GPC3: variants seen among roughly 807,000 people sequenced by gnomAD.
The protein encoded by GPC3 is glypican 3.
GPC3 carries 3 observed loss-of-function variants against 34.4 expected under a neutral mutation model. The observed-to-expected ratio is 0.09, with a 90% CI of 0.04 to 0.23. The LOEUF is 0.23. Ranked by LOEUF, GPC3 falls within the 10% of genes least tolerant of loss-of-function variation. The probability of loss-of-function intolerance (pLI) is 1.00; values close to 1 mark genes in which losing one functional copy is unlikely to be tolerated. For synonymous variants in GPC3, 177 were observed against 174.0 expected, an observed-to-expected ratio of 1.02 and a Z score of -0.13; for missense variants, 351 against 445.6, an observed-to-expected ratio of 0.79 and a Z score of 1.91.
At chrX:133,867,205 A>T (rs952431611) in intron 2 of GPC3, among the ~76,000 whole-genome samples, 1 of 109,992 alleles carries the variant, frequency 9.1e-6, no homozygotes, top group Non-Finnish European at 1.9e-5. Context: ...CTCAAAAAAA[A>T]AAAAATTGTT....
chrX:133,731,145 A>G (rs780821495), intron 3 of GPC3, among the ~76,000 whole-genome samples: 2 of 112,557 alleles, frequency 1.8e-5, no homozygotes, highest in South Asian at 7.3e-4. Context: ...CAAGAACAGT[A>G]TTTCTCTAGG....
At chrX:133,760,086 A>G (rs2071772041) in intron 2 of GPC3, among the ~76,000 whole-genome samples, 1 of 112,393 alleles carries the variant, frequency 8.9e-6, no homozygotes, top group African/African-American at 3.2e-5. Flanking sequence ...TAACAATGAG[A>G]TACCATCACA....
intron 2 of GPC3, among the ~76,000 whole-genome samples, chrX:133,783,231 C>T (rs2072067772): frequency 9.0e-6 from 1 of 111,325 alleles, no homozygotes; most frequent in Non-Finnish European, 1.9e-5. Context: ...ACAGCCGCTA[C>T]CAGTCACAAC....
At chrX:133,961,252 G>C (rs1569459667) in intron 1 of GPC3, among the ~76,000 whole-genome samples, 1 of 111,452 alleles carries the variant, frequency 9.0e-6, no homozygotes, top group African/African-American at 3.3e-5. Context: ...TTAAATCAAA[G>C]ACCGTGCCTG....
At chrX:133,925,505 G>A (rs765514709) in intron 2 of GPC3, among the ~76,000 whole-genome samples, 1 of 111,834 alleles carries the variant, frequency 8.9e-6, no homozygotes, top group East Asian at 2.8e-4. Context: ...ATCAATGACT[G>A]GTGTGATGGC....
chrX:133,883,961 T>C (rs2076052513), intron 2 of GPC3, among the ~76,000 whole-genome samples: 2 of 112,069 alleles, frequency 1.8e-5, no homozygotes, highest in South Asian at 7.5e-4. Flanking sequence ...TCTTTAATTA[T>C]TTAGTTCCTG....
intron 2 of GPC3, among the ~76,000 whole-genome samples, chrX:133,898,699 G>A (rs1173183965): frequency 1.8e-5 from 2 of 111,877 alleles, no homozygotes; most frequent in Non-Finnish European, 3.8e-5. Context: ...TTATCAACCA[G>A]GTGTGCTTTA....
chrX:133,973,203 T>C (rs946775989), intron 1 of GPC3, among the ~76,000 whole-genome samples: 1 of 111,948 alleles, frequency 8.9e-6, no homozygotes, highest in Non-Finnish European at 1.9e-5. Context: ...CCAGACTATA[T>C]CCCTTCCTCT....
chrX:133,621,673 T>C (rs187233841), intron 6 of GPC3, among the ~76,000 whole-genome samples: 1,472 of 110,966 alleles, frequency 0.013, 31 homozygotes, highest in African/African-American at 0.044. Flanking sequence ...CTGGGTGGAG[T>C]CCACTGCAGC....
At chrX:133,928,835 A>G (rs1483247227) in intron 2 of GPC3, among the ~76,000 whole-genome samples, 1 of 112,024 alleles carries the variant, frequency 8.9e-6, no homozygotes, top group Non-Finnish European at 1.9e-5. Context: ...TTGGATATTA[A>G]CCCCTTATCA....
At chrX:133,937,434 C>A (rs971173418) in intron 2 of GPC3, among the ~76,000 whole-genome samples, 1 of 111,742 alleles carries the variant, frequency 8.9e-6, no homozygotes, top group African/African-American at 3.2e-5. Flanking sequence ...AGCTTTTCAA[C>A]TTCAAGTCCA....
At chrX:133,711,544 G>A (rs1258451376) in intron 3 of GPC3, among the ~76,000 whole-genome samples, 2 of 111,033 alleles carry the variant, frequency 1.8e-5, no homozygotes, top group African/African-American at 6.6e-5. Flanking sequence ...CCATCCCAAC[G>A]GCCTCTTAAT....
intron 6 of GPC3, among the ~76,000 whole-genome samples, chrX:133,653,356 A>G (rs1289937693): frequency 8.9e-6 from 1 of 112,036 alleles, no homozygotes; most frequent in Non-Finnish European, 1.9e-5. Flanking sequence ...ACACTGCCCT[A>G]AACAACTGAG....
At chrX:133,877,848 G>A (rs1433089805) in intron 2 of GPC3, among the ~76,000 whole-genome samples, 1 of 111,753 alleles carries the variant, frequency 8.9e-6, no homozygotes, top group Non-Finnish European at 1.9e-5. Flanking sequence ...ATTACATAAT[G>A]CAGACTATAA....
chrX:133,763,169 C>T, intron 2 of GPC3: 1 of 710,626 alleles, frequency 1.4e-6, no homozygotes, highest in Non-Finnish European at 2.2e-6. Flanking sequence ...CTTGTGGTTA[C>T]TGACCCCAGG....
At chrX:133,803,127 A>G (rs1282376375) in intron 2 of GPC3, among the ~76,000 whole-genome samples, 1 of 110,764 alleles carries the variant, frequency 9.0e-6, no homozygotes, top group East Asian at 2.8e-4. Flanking sequence ...GGGTTTCACC[A>G]TGTTGGTCAG....
At chrX:133,567,157 G>C (rs1276833740) in intron 7 of GPC3, among the ~76,000 whole-genome samples, 2 of 111,917 alleles carry the variant, frequency 1.8e-5, no homozygotes, top group African/African-American at 6.5e-5. Flanking sequence ...AATACTTATA[G>C]GGTGCCTCCT....
In GPC3 at chrX:133,670,130, T is replaced by A. The variant is rs746156777; in HGVS notation, c.1293-8280A>T. On this transcript the variant is annotated intron_variant, in intron 5 of 7. Transcript: ENST00000370818. The stretch of plus-strand genomic sequence containing the variant: ...AGTCAAACAAGCGTAAAATAGGCGA[T>A]CTTTTCTTCTCATTTCTGTTCTGGC... 3.2e-4 allele frequency among the ~76,000 whole-genome samples: 36 copies of A among 111,849 alleles called. No individual in the cohort carries two copies. The Admixed American group carries it at 3.2e-3, about 10-fold the overall frequency.
chrX:133,940,633 G>A lies in GPC3; in HGVS notation c.337+12417C>T, dbSNP rs147017965. Among the ~76,000 whole-genome samples, 915 of 111,671 alleles carry A rather than the reference G, an allele frequency of 8.2e-3. 14 individuals are homozygous for A. Among genetic ancestry groups the A allele is most frequent in the African/African-American group, 0.029 (876 of 30,706 alleles). On this transcript the variant is annotated intron_variant, in intron 2 of 7. Transcript: ENST00000370818. ...AATGTCTAACCTCACCAACCTTCCA[G>A]AGGTCTCTGACCTTCAAGAAGGCTT...
Sources: gnomAD v4.1 joint callset for allele counts (sites outside exome capture counted in the v4.1 genomes callset) on GRCh38, gnomAD v4.1.1 for gene constraint, MANE v1.5 for transcripts, NCBI Gene and HGNC (gene_info 2026-07-23, HGNC 2026-07-21) for gene names.